PCDHGA5: variants seen among roughly 807,000 people sequenced by gnomAD.
The protein encoded by PCDHGA5 is protocadherin gamma-A5.
PCDHGA5 carries 36 observed loss-of-function variants against 56.7 expected under a neutral mutation model. The ratio of observed to expected loss-of-function variants is 0.64; its 90% CI spans 0.49 to 0.84. The LOEUF (loss-of-function observed/expected upper bound fraction) is 0.84, where lower values mean the gene tolerates loss of function less well. PCDHGA5 is among the 40% of genes least tolerant of loss of function. The probability of loss-of-function intolerance (pLI) is 0.00; values close to 1 mark genes in which losing one functional copy is unlikely to be tolerated. For synonymous variants in PCDHGA5, 563 were observed against 520.2 expected (o/e 1.08, Z -1.12); for missense variants, 1,305 against 1,201.5 (o/e 1.09, Z -1.27).
intron 1 of PCDHGA5, chr5:141,439,815 T>C (rs1027862858): frequency 5.3e-5 from 8 of 152,314 alleles, no homozygotes; most frequent in African/African-American, 1.9e-4. Flanking sequence ...AAGGGGCTTA[T>C]TTGGGCTGGA....
Position 141,485,190 on chromosome 5 carries a change from G to C in PCDHGA5, c.2422-9617G>C. 6.2e-7 allele frequency: 1 copy of C among 1,613,920 alleles called. No individual in the cohort carries two copies. Among genetic ancestry groups the C allele is most frequent in the Non-Finnish European group, 8.5e-7 (1 of 1,179,788 alleles). Reference sequence around the variant, plus strand: ...GCGGCAGCAATGCTCCGCAAGGTGAGAAGCTGGACAGAAATCTGGCGGTGG... The same window carrying C: ...GCGGCAGCAATGCTCCGCAAGGTGACAAGCTGGACAGAAATCTGGCGGTGG... On this transcript the variant is annotated intron_variant, in intron 1 of 3. Coordinates refer to ENST00000518069, the MANE Select transcript of PCDHGA5 (RefSeq NM_018918.3). This position sits in a 1 kb window ranked among gnomAD's most constrained non-coding sequence, Gnocchi z 5.7.
At chr5:141,423,277 A>G (rs749771302) in intron 1 of PCDHGA5, 4 of 1,613,988 alleles carry the variant, frequency 2.5e-6, no homozygotes, top group Non-Finnish European at 8.5e-7. Flanking sequence ...GTCTCTGGCT[A>G]ACTCTGAAAC....
intron 1 of PCDHGA5, chr5:141,387,860 G>T: frequency 6.3e-7 from 1 of 1,593,236 alleles, no homozygotes; most frequent in Non-Finnish European, 8.5e-7. Flanking sequence ...CCAGGCTGGT[G>T]AGCAAGCTGA....
At chr5:141,370,572 GA>G in intron 1 of PCDHGA5, 9 of 1,613,960 alleles carry the variant, frequency 5.6e-6, no homozygotes, top group Non-Finnish European at 7.6e-6. Context: ...TGGCGTGGGG[GA>G]TTTACCTACT....
chr5:141,385,638 T>C lies in PCDHGA5; in HGVS notation c.2421+18887T>C, dbSNP rs773812795. 80 of 831,646 alleles carry C rather than the reference T, an allele frequency of 9.6e-5. 1 individual carries two copies. Among genetic ancestry groups the C allele is most frequent in the Non-Finnish European group, 1.2e-4 (78 of 652,914 alleles). 51.5% of individuals were successfully genotyped at this position (831,646 alleles called of 1,614,324 possible). A position where few individuals can be genotyped will look rare whatever the true frequency, so the allele number is the denominator to read the frequency against. ...TATACATTGGAATGAATCGAGTCTT[T>C]CATATTGCACAAGGTTAGCAGGAAT... is the stretch of plus-strand genomic sequence containing the variant. On this transcript the variant is annotated intron_variant, in intron 1 of 3. Transcript: ENST00000518069.
chr5:141,509,477 G>A (rs753058277), intron 3 of PCDHGA5, among the ~76,000 whole-genome samples: 7 of 152,166 alleles, frequency 4.6e-5, no homozygotes, highest in African/African-American at 7.2e-5. Context: ...CAGGTGAGGG[G>A]TAGAGGTGAT....
intron 1 of PCDHGA5, chr5:141,409,547 G>A (rs760802690): frequency 1.2e-6 from 2 of 1,613,936 alleles, no homozygotes; most frequent in Non-Finnish European, 1.7e-6. Flanking sequence ...CAACGACAAC[G>A]CCCCAGTTTT....
intron 1 of PCDHGA5, chr5:141,408,014 C>G (rs2095025916): frequency 5.0e-6 from 5 of 1,001,096 alleles, no homozygotes; most frequent in Non-Finnish European, 7.0e-6. Flanking sequence ...CCTGCGCAGC[C>G]AACAACAGAA....
chr5:141,389,429 G>T, intron 1 of PCDHGA5: 1 of 1,610,654 alleles, frequency 6.2e-7, no homozygotes, highest in East Asian at 2.2e-5. Flanking sequence ...TGTTCGCGCA[G>T]CGCGCCTTCG....
At chr5:141,382,798 A>C in intron 1 of PCDHGA5, 2 of 1,017,066 alleles carry the variant, frequency 2.0e-6, no homozygotes, top group Admixed American at 2.4e-5. Context: ...ATCCTGCTGG[A>C]TTCTGAGCTC....
At chr5:141,450,932 C>G (rs868373954) in intron 1 of PCDHGA5, among the ~76,000 whole-genome samples, 1 of 151,134 alleles carries the variant, frequency 6.6e-6, no homozygotes, top group Admixed American at 6.6e-5. Context: ...TCAAGCAATT[C>G]TCCTACCTCA....
At position 141,366,043 on chromosome 5, in the gene PCDHGA5, T is replaced by C. The variant is rs1041453851; in HGVS notation, c.1713T>C (p.Gly571=). The part of the protein sequence containing the change: ...EILYPALPTD[G]STGVELAPRS... Reference sequence around the variant, plus strand: ...TGTACCCCGCCCTCCCCACAGACGGTTCCACGGGCGTGGAGCTGGCGCCTC... The same window carrying C: ...TGTACCCCGCCCTCCCCACAGACGGCTCCACGGGCGTGGAGCTGGCGCCTC... Residue 571 remains glycine (G), a synonymous_variant, in exon 1 of 4, where the codon GGT becomes GGC. Transcript: ENST00000518069. 1.9e-6 allele frequency: 3 copies of C among 1,614,242 alleles called. No individual in the cohort carries two copies. Among genetic ancestry groups the C allele is most frequent in the African/African-American group, 2.7e-5 (2 of 75,070 alleles).
chr5:141,430,997 C>T, intron 1 of PCDHGA5: 1 of 1,613,926 alleles, frequency 6.2e-7, no homozygotes, highest in Non-Finnish European at 8.5e-7. Context: ...CCTGAATCCG[C>T]GCAGCGGCAG....
rs148641580 is a variant in PCDHGA5 at position 141,437,874 on chromosome 5, A to C, written c.2422-56933A>C. 3.9e-4 allele frequency among the ~76,000 whole-genome samples: 59 copies of C among 151,954 alleles called. 1 individual carries two copies. In the East Asian group the frequency reaches 5.8e-3, roughly 15 times the overall value. Reference sequence around the variant, plus strand: ...TGCCTTAGCCTCCCGAGTAGCTGGGACTACAGGCACACGCCACCACACCCA... The same window carrying C: ...TGCCTTAGCCTCCCGAGTAGCTGGGCCTACAGGCACACGCCACCACACCCA... On this transcript the variant is annotated intron_variant, in intron 1 of 3. Transcript: ENST00000518069.
chr5:141,458,848 T>C (rs1044462303), intron 1 of PCDHGA5, among the ~76,000 whole-genome samples: 1 of 152,182 alleles, frequency 6.6e-6, no homozygotes, highest in Non-Finnish European at 1.5e-5. Flanking sequence ...TCCTCCCACC[T>C]CAGCCTTCCA....
chr5:141,484,867 G>C lies in PCDHGA5; in HGVS notation c.2422-9940G>C, dbSNP rs573580017. The C allele has an allele frequency of 1.8e-5, 5 of 282,560 alleles. No homozygotes were observed. The Admixed American group carries it at 1.9e-4, about 11-fold the overall frequency. The allele number at this position is 282,560 out of a possible 1,614,324, so 17.5% of individuals were successfully genotyped here. A position where few individuals can be genotyped will look rare whatever the true frequency, so the allele number is the denominator to read the frequency against. ...TGGGTTTTTTGGGGGGTGGGGGAGC[G>C]TGGAGGATAGGGTGGGCTTTTTCCC... On this transcript the variant is annotated intron_variant, in intron 1 of 3. Coordinates refer to ENST00000518069, the MANE Select transcript of PCDHGA5 (RefSeq NM_018918.3).
At chr5:141,408,882 ACATAGAAATTTCTGTCAAG>A (rs745313321) in intron 1 of PCDHGA5, 50 of 1,613,286 alleles carry the variant, frequency 3.1e-5, no homozygotes, top group Non-Finnish European at 4.1e-5. Context: ...GCCACCGCTC[ACATAGAAATTTCTGTCAAG>A]GATACCAATG....
intron 1 of PCDHGA5, chr5:141,441,746 C>T: frequency 2.7e-6 from 1 of 371,314 alleles, no homozygotes; most frequent in East Asian, 9.8e-5. Flanking sequence ...TCGCGCTCGG[C>T]GTCAACGTGA....
chr5:141,422,996 C>T (rs1473025630), intron 1 of PCDHGA5: 1 of 1,614,224 alleles, frequency 6.2e-7, no homozygotes, highest in South Asian at 1.1e-5. Context: ...TACCTGGTGA[C>T]CAAGGTGGTT....
Sources: allele counts gnomAD v4.1 joint callset (sites outside exome capture counted in the v4.1 genomes callset), GRCh38; gene constraint gnomAD v4.1.1; non-coding constraint Gnocchi (gnomAD v3.1); transcripts MANE v1.5; gene names NCBI Gene and HGNC (gene_info 2026-07-23, HGNC 2026-07-21).